Variants in TMEM163 observed in about 807,000 individuals in gnomAD.
TMEM163 encodes transmembrane protein 163.
Under a neutral mutation model 29.3 loss-of-function variants are expected in TMEM163, and 17 were observed. That is an observed-to-expected ratio of 0.58 (90% confidence interval 0.40 to 0.87). The LOEUF (loss-of-function observed/expected upper bound fraction) is 0.87, where lower values mean the gene tolerates loss of function less well. TMEM163 is among the 40% of genes least tolerant of loss of function. The pLI, the probability that TMEM163 is intolerant of heterozygous loss-of-function variation, is 0.00. For synonymous variants in TMEM163, 157 were observed against 160.6 expected (o/e 0.98, Z 0.17); for missense variants, 303 against 381.5 (o/e 0.79, Z 1.71).
intron 2 of TMEM163, among the ~76,000 whole-genome samples, chr2:134,603,070 T>A (rs954470472): frequency 6.6e-6 from 1 of 152,198 alleles, no homozygotes; most frequent in African/African-American, 2.4e-5. Context: ...GGATCAGAAA[T>A]AACATCATCC....
intron 2 of TMEM163, among the ~76,000 whole-genome samples, chr2:134,645,463 G>A (rs940087762): frequency 3.3e-5 from 5 of 152,162 alleles, no homozygotes; most frequent in African/African-American, 1.2e-4. Flanking sequence ...GAAAAAGTTT[G>A]CCAACATCTG....
chr2:134,546,222 T>C (rs920201186), intron 4 of TMEM163, among the ~76,000 whole-genome samples: 4 of 152,196 alleles, frequency 2.6e-5, no homozygotes, highest in Non-Finnish European at 5.9e-5. Flanking sequence ...TCCTAAAGAA[T>C]TGGAAGCAGG....
At chr2:134,513,458 G>T (rs982631017) in intron 4 of TMEM163, among the ~76,000 whole-genome samples, 3 of 152,320 alleles carry the variant, frequency 2.0e-5, no homozygotes, top group East Asian at 1.9e-4. Context: ...TGGAGTGAAG[G>T]TTCCACGACG....
At chr2:134,475,645 C>G (rs141950193) in intron 5 of TMEM163, among the ~76,000 whole-genome samples, 1 of 151,994 alleles carries the variant, frequency 6.6e-6, no homozygotes. Context: ...AGTAAGAAAA[C>G]AGATGACTCA....
chr2:134,666,061 C>G (rs1178371420), intron 2 of TMEM163, among the ~76,000 whole-genome samples: 1 of 152,148 alleles, frequency 6.6e-6, no homozygotes, highest in Non-Finnish European at 1.5e-5. Flanking sequence ...TGCAAATTAA[C>G]AGACAGAATA....
intron 2 of TMEM163, among the ~76,000 whole-genome samples, chr2:134,693,934 G>C (rs1160474866): frequency 6.6e-6 from 1 of 152,206 alleles, no homozygotes; most frequent in African/African-American, 2.4e-5. Context: ...GATCTGTCTT[G>C]TGAACAATGG....
intron 2 of TMEM163, among the ~76,000 whole-genome samples, chr2:134,678,080 C>A (rs958418287): frequency 8.5e-5 from 13 of 152,176 alleles, no homozygotes. Context: ...GCAGATCGAC[C>A]CTAGCTAATT....
intron 2 of TMEM163, among the ~76,000 whole-genome samples, chr2:134,674,973 AATACGTACATAATTTGCT>A (rs1684083847): frequency 6.6e-6 from 1 of 152,216 alleles, no homozygotes; most frequent in Non-Finnish European, 1.5e-5. Flanking sequence ...CACCTCCCTG[AATACGTACATAATTTGCT>A]ATGGCAAGTG....
intron 2 of TMEM163, among the ~76,000 whole-genome samples, chr2:134,631,013 G>GGA (rs1553486975): frequency 1.3e-5 from 2 of 150,514 alleles, no homozygotes; most frequent in Non-Finnish European, 1.5e-5. Context: ...ACACTTGAGG[G>GGA]AAAAAAAAAA....
chr2:134,645,633 A>G lies in TMEM163; in HGVS notation c.322+67567T>C, dbSNP rs151079038. On this transcript the variant is annotated intron_variant, in intron 2 of 7. Coordinates refer to ENST00000281924, the MANE Select transcript of TMEM163 (RefSeq NM_030923.5). Reference sequence around the variant, plus strand: ...ATATCCATATAATGGAATGCTATGCAAAAATAAACAGGAACAAACTATTGA... The same window carrying G: ...ATATCCATATAATGGAATGCTATGCGAAAATAAACAGGAACAAACTATTGA... Among the ~76,000 whole-genome samples the G allele has an allele frequency of 2.3e-3, 351 of 152,364 alleles. 2 individuals are homozygous for G. Among genetic ancestry groups the G allele is most frequent in the East Asian group, 0.017 (88 of 5,190 alleles).
intron 2 of TMEM163, among the ~76,000 whole-genome samples, chr2:134,577,583 G>T (rs1681587165): frequency 6.6e-6 from 1 of 152,166 alleles, no homozygotes; most frequent in South Asian, 2.1e-4. Context: ...AGAGGTGCAG[G>T]GCCAGGAGAG....
chr2:134,711,524 G>A (rs140653697), intron 2 of TMEM163, among the ~76,000 whole-genome samples: 1 of 152,304 alleles, frequency 6.6e-6, no homozygotes, highest in Non-Finnish European at 1.5e-5. Flanking sequence ...AATACTTGCT[G>A]CAATGAAGGT....
intron 4 of TMEM163, among the ~76,000 whole-genome samples, chr2:134,508,169 G>A (rs1189680109): frequency 6.6e-6 from 1 of 152,186 alleles, no homozygotes; most frequent in African/African-American, 2.4e-5. Flanking sequence ...AAAATTGCCT[G>A]AGTCCTAGCC....
chr2:134,686,632 T>C (rs1264721363), intron 2 of TMEM163, among the ~76,000 whole-genome samples: 1 of 152,180 alleles, frequency 6.6e-6, no homozygotes, highest in East Asian at 1.9e-4. Flanking sequence ...TGATACAATT[T>C]TTATGCAGTA....
intron 2 of TMEM163, among the ~76,000 whole-genome samples, chr2:134,700,254 C>T (rs895388949): frequency 1.3e-5 from 2 of 152,204 alleles, no homozygotes; most frequent in Non-Finnish European, 2.9e-5. Flanking sequence ...TACCCCATCC[C>T]TCCCATCAGC....
chr2:134,606,459 T>A (rs1682363805), intron 2 of TMEM163, among the ~76,000 whole-genome samples: 1 of 152,216 alleles, frequency 6.6e-6, no homozygotes. Flanking sequence ...CTTCAGACCC[T>A]GACTCAAAAT....
chr2:134,642,835 T>C (rs1224733332), intron 2 of TMEM163, among the ~76,000 whole-genome samples: 1 of 152,034 alleles, frequency 6.6e-6, no homozygotes, highest in African/African-American at 2.4e-5. Context: ...AAATAGAGCA[T>C]ATTAAAATTT....
At chr2:134,651,229 T>C (rs1246574910) in intron 2 of TMEM163, among the ~76,000 whole-genome samples, 52 of 105,966 alleles carry the variant, frequency 4.9e-4, no homozygotes, top group South Asian at 1.4e-3. Flanking sequence ...TTTTAATGAT[T>C]GCCATTCTAA....
chr2:134,635,819 T>C (rs1265541558), intron 2 of TMEM163, among the ~76,000 whole-genome samples: 1 of 151,896 alleles, frequency 6.6e-6, no homozygotes, highest in East Asian at 1.9e-4. Context: ...AAAGTGGGGA[T>C]TGGAAAAGAG....
Sources: gnomAD v4.1 joint callset for allele counts (sites outside exome capture counted in the v4.1 genomes callset) on GRCh38, gnomAD v4.1.1 for gene constraint, MANE v1.5 for transcripts, NCBI Gene and HGNC (gene_info 2026-07-23, HGNC 2026-07-21) for gene names.